The following IPPK variants were observed in gnomAD, a reference collection of about 807,000 sequenced individuals.
IPPK encodes inositol-pentakisphosphate 2-kinase.
Under a neutral mutation model 64.6 loss-of-function variants are expected in IPPK, and 22 were observed. The observed-to-expected ratio is 0.34, with a 90% CI of 0.24 to 0.49. The LOEUF (loss-of-function observed/expected upper bound fraction) is 0.49. Ranked by LOEUF, IPPK falls within the 20% of genes least tolerant of loss-of-function variation. The probability of loss-of-function intolerance (pLI) is 0.99; values close to 1 mark genes in which losing one functional copy is unlikely to be tolerated. For synonymous variants in IPPK, 262 were observed against 247.2 expected (o/e 1.06, Z -0.56); for missense variants, 532 against 630.7 (o/e 0.84, Z 1.68).
At chr9:92,616,435 A>T (rs1851439238) in intron 12 of IPPK, 1 of 167,902 alleles carries the variant, frequency 6.0e-6, no homozygotes, top group Non-Finnish European at 1.3e-5. Flanking sequence ...GGTATAAACG[A>T]ACGCTGAAAA....
At position 92,635,133 on chromosome 9, in the gene IPPK, C is replaced by G; in HGVS notation, c.1067+25G>C. 2 of 1,599,784 alleles carry G rather than the reference C, an allele frequency of 1.3e-6. No homozygotes were observed. The highest frequency in any genetic ancestry group is 2.2e-5 in the South Asian group (2 of 89,736). ...CCCACAGTCTCCTCTCAGGGCTGCC[C>G]AACAGGGGGACCGCCCGACCTCACC... On this transcript the variant is annotated intron_variant, in intron 10 of 12. Transcript: ENST00000287996. The surrounding 1 kb of genome is among the most constrained non-coding windows in gnomAD (Gnocchi z 4.4).
rs769895097 is a variant in IPPK at position 92,649,482 on chromosome 9, G to A, written c.385C>T (p.His129Tyr). 2 of 1,614,128 alleles carry A rather than the reference G, an allele frequency of 1.2e-6. No individual in the cohort carries two copies. The highest frequency in any genetic ancestry group is 8.5e-7 in the Non-Finnish European group (1 of 1,180,024). ...ATCTCTACACACAGAATCGGCCGGT[G>A]CTCTGCAAAGCGGTAGGTTTGGAGT... is the stretch of plus-strand genomic sequence containing the variant. ...TRLQTYRFAE[H>Y]RPILCVEIKP... The change falls in exon 5 of 13, where the codon CAC (histidine) becomes TAC (tyrosine). Residue 129 changes from histidine to tyrosine, a missense_variant. Coordinates refer to ENST00000287996, the MANE Select transcript of IPPK (RefSeq NM_022755.6).
chr9:92,641,239 C>T (rs1040083312), intron 7 of IPPK, among the ~76,000 whole-genome samples: 3 of 152,162 alleles, frequency 2.0e-5, no homozygotes, highest in African/African-American at 7.2e-5. Flanking sequence ...GAGGCTAGAG[C>T]CCCAGGGAGC....
At chr9:92,669,882 A>C (rs1587650746) in intron 1 of IPPK, 26 bp downstream of exon 1, 1 of 1,580,380 alleles carries the variant, frequency 6.3e-7, no homozygotes, top group Non-Finnish European at 8.7e-7. Context: ...GAGGTACCGG[A>C]CCTGCGCCGC....
chr9:92,628,092 T>C (rs75598781), intron 11 of IPPK, among the ~76,000 whole-genome samples: 41 of 152,196 alleles, frequency 2.7e-4, no homozygotes, highest in Non-Finnish European at 3.8e-4. Context: ...ACAATTCCAT[T>C]TACAACAGCA....
intron 6 of IPPK, among the ~76,000 whole-genome samples, chr9:92,643,247 C>T (rs1417095942): frequency 6.6e-6 from 1 of 152,138 alleles, no homozygotes; most frequent in Non-Finnish European, 1.5e-5. Context: ...TGGTATCCAC[C>T]AAACTTTAAA....
At chr9:92,645,253 G>C (rs1256752396) in intron 6 of IPPK, among the ~76,000 whole-genome samples, 2 of 152,182 alleles carry the variant, frequency 1.3e-5, no homozygotes, top group East Asian at 3.9e-4. Context: ...AGCTGGGCAT[G>C]GTGGGGTGCG....
At chr9:92,655,001 A>C (rs1190339837) in intron 3 of IPPK, among the ~76,000 whole-genome samples, 1 of 152,220 alleles carries the variant, frequency 6.6e-6, no homozygotes, top group African/African-American at 2.4e-5. Flanking sequence ...CAGTGGAAGA[A>C]CAAGGCAAGC....
chr9:92,662,167 A>G (rs893484613), intron 1 of IPPK, among the ~76,000 whole-genome samples: 15 of 152,242 alleles, frequency 9.9e-5, no homozygotes, highest in South Asian at 2.1e-4. Flanking sequence ...CCTCTTAAAA[A>G]AAGTATCTGA....
At chr9:92,640,872 TG>T in intron 7 of IPPK, 90 bp from the exon 8 acceptor site, 2 of 917,284 alleles carry the variant, frequency 2.2e-6, no homozygotes, top group Non-Finnish European at 3.6e-6. Flanking sequence ...GAGGACATGC[TG>T]GGTACTCCCA....
At chr9:92,622,907 G>A (rs921520975) in intron 11 of IPPK, among the ~76,000 whole-genome samples, 3 of 152,204 alleles carry the variant, frequency 2.0e-5, no homozygotes, top group East Asian at 3.9e-4. Context: ...TTTCTGTGAC[G>A]ACAGGATAAT....
chr9:92,665,836 G>T (rs985719701), intron 1 of IPPK, among the ~76,000 whole-genome samples: 7 of 152,030 alleles, frequency 4.6e-5, no homozygotes, highest in African/African-American at 1.7e-4. Context: ...ATATATATAT[G>T]ATCTATGAAC....
At position 92,635,215 on chromosome 9, in the gene IPPK, C is replaced by A; in HGVS notation, c.1010G>T (p.Gly337Val). The A allele has an allele frequency of 1.2e-6, 2 of 1,614,170 alleles. No homozygotes were observed. The highest frequency in any genetic ancestry group is 1.7e-6 in the Non-Finnish European group (2 of 1,180,012). ...VQMLDLLDIE[G>V]LYPLYNRVER... is the part of the protein sequence containing the mutation. Reference sequence around the variant, plus strand: ...AACCCGGTTGTACAGAGGGTAGAGGCCTTCGATGTCCAGCAGGTCCAACAT... The same window carrying A: ...AACCCGGTTGTACAGAGGGTAGAGGACTTCGATGTCCAGCAGGTCCAACAT... Residue 337 changes from glycine to valine, a missense_variant, in exon 10 of 13, where the codon GGC (glycine) becomes GTC (valine). Coordinates refer to ENST00000287996, the MANE Select transcript of IPPK (RefSeq NM_022755.6). This position sits in a 1 kb window ranked among gnomAD's most constrained non-coding sequence, Gnocchi z 4.4.
chr9:92,655,039 ACT>A (rs1325105386), intron 3 of IPPK, among the ~76,000 whole-genome samples: 1 of 151,514 alleles, frequency 6.6e-6, no homozygotes, highest in Non-Finnish European at 1.5e-5. Context: ...CATTTCCTAA[ACT>A]CTCCAGCTCC....
chr9:92,620,771 C>T (rs1172934961), intron 11 of IPPK, among the ~76,000 whole-genome samples: 1 of 152,138 alleles, frequency 6.6e-6, no homozygotes, highest in African/African-American at 2.4e-5. Flanking sequence ...CCTTTCACAG[C>T]AGATGGAAAT....
intron 1 of IPPK, among the ~76,000 whole-genome samples, chr9:92,669,178 C>T (rs1852670585): frequency 1.3e-5 from 2 of 152,126 alleles, no homozygotes; most frequent in Admixed American, 1.3e-4. Flanking sequence ...TCACCCCCCT[C>T]CCCCGTTCCA....
chr9:92,649,306 G>T, intron 5 of IPPK, 147 bp downstream of exon 5: 1 of 876,190 alleles, frequency 1.1e-6, no homozygotes, highest in Non-Finnish European at 1.8e-6. Context: ...GCTGTGGAAG[G>T]ACAGAAACAA....
At chr9:92,654,790 G>A (rs1487562609) in intron 3 of IPPK, among the ~76,000 whole-genome samples, 1 of 152,214 alleles carries the variant, frequency 6.6e-6, no homozygotes, top group Non-Finnish European at 1.5e-5. Flanking sequence ...CTGCTCAGAA[G>A]GACAAAGAGC....
rs1186252656 is a variant in IPPK, at chr9:92,635,772, C to T, written c.917-464G>A. On this transcript the variant is annotated intron_variant, in intron 9 of 12. Transcript: ENST00000287996. The surrounding 1 kb of genome is among the most constrained non-coding windows in gnomAD (Gnocchi z 4.4). ...TGTGGCCCAGCCTGGAGTGCAGTGG[C>T]GTGATCTCGACTCATTGCAACTGCA... Among the ~76,000 whole-genome samples the T allele has an allele frequency of 1.3e-5, 2 of 151,442 alleles. No homozygotes were observed. Among genetic ancestry groups the T allele is most frequent in the South Asian group, 2.1e-4 (1 of 4,798 alleles).
Sources: allele counts gnomAD v4.1 joint callset (sites outside exome capture counted in the v4.1 genomes callset), GRCh38; gene constraint gnomAD v4.1.1; non-coding constraint Gnocchi (gnomAD v3.1); transcripts MANE v1.5; gene names NCBI Gene and HGNC (gene_info 2026-07-23, HGNC 2026-07-21).